Variants in PTPN4 observed in about 807,000 individuals in gnomAD.
PTPN4 encodes the protein protein tyrosine phosphatase non-receptor type 4.
A neutral mutation model predicts 135.5 loss-of-function variants in PTPN4; 49 were observed. That is an observed-to-expected ratio of 0.36 (90% CI 0.29 to 0.46). PTPN4 has a LOEUF of 0.46. PTPN4 is among the 20% of genes least tolerant of loss of function. The pLI is 1.00. For synonymous variants in PTPN4, 333 were observed against 369.9 expected (o/e 0.90, Z 1.14); for missense variants, 860 against 1,101.0 (o/e 0.78, Z 3.10).
chr2:119,799,425 A>G (rs987383611), intron 1 of PTPN4, among the ~76,000 whole-genome samples: 4 of 152,226 alleles, frequency 2.6e-5, no homozygotes, highest in African/African-American at 7.2e-5. Flanking sequence ...TTAAGAATCA[A>G]TAGAAATAAG....
In PTPN4 at chr2:119,956,893, C is replaced by A; in HGVS notation, c.2030C>A (p.Pro677His). 6.2e-7 allele frequency: 1 copy of A among 1,608,516 alleles called. No homozygotes were observed. The highest frequency in any genetic ancestry group is 1.7e-5 in the Admixed American group (1 of 58,892). Residue 677 changes from proline to histidine, a missense_variant, in exon 21 of 27, where the codon CCT (proline) becomes CAT (histidine). Physicochemically the swap from Pro to His is moderately conservative, Grantham distance 77 (BLOSUM62 -2). Transcript: ENST00000263708. ...PGMTMSCAKL[P>H]QNISKNRYRD... ...ATGACAATGTCCTGTGCCAAATTAC[C>A]TCAGAATATTTCCAAAAATAGATAC... is the stretch of plus-strand genomic sequence containing the variant.
intron 14 of PTPN4, among the ~76,000 whole-genome samples, chr2:119,933,084 T>A (rs1177200996): frequency 6.6e-6 from 1 of 152,182 alleles, no homozygotes; most frequent in Non-Finnish European, 1.5e-5. Context: ...GCACTTACCG[T>A]ATATGTACTT....
chr2:119,898,684 A>C (rs1480777325), intron 9 of PTPN4, among the ~76,000 whole-genome samples: 1 of 152,178 alleles, frequency 6.6e-6, no homozygotes, highest in Non-Finnish European at 1.5e-5. Flanking sequence ...GGTATTTTAA[A>C]TTAAGGTGGT....
intron 10 of PTPN4, among the ~76,000 whole-genome samples, chr2:119,907,445 T>C (rs546591109): frequency 6.6e-6 from 1 of 151,082 alleles, no homozygotes; most frequent in East Asian, 2.0e-4. Flanking sequence ...ATAAAAAATA[T>C]TTTTAAAAAT....
chr2:119,779,392 C>T (rs959108285), intron 1 of PTPN4, among the ~76,000 whole-genome samples: 9 of 152,096 alleles, frequency 5.9e-5, no homozygotes, highest in Admixed American at 3.3e-4. Context: ...CCGAGGCAGG[C>T]GTATCACGAG....
In PTPN4 at chr2:119,878,933, A is replaced by G. The variant is rs1406593050; in HGVS notation, c.368+1391A>G. 2.0e-5 allele frequency among the ~76,000 whole-genome samples: 3 copies of G among 151,878 alleles called. No individual in the cohort carries two copies. The East Asian group carries it at 5.8e-4, about 29-fold the overall frequency. On this transcript the variant is annotated intron_variant, in intron 5 of 26. Coordinates refer to ENST00000263708, the MANE Select transcript of PTPN4 (RefSeq NM_002830.4). Reference sequence around the variant, plus strand: ...ACGGTGAAACCCCATCTCTACTAAAAATACAAAAAATTAGCCGGGTGTGGT... The same window carrying G: ...ACGGTGAAACCCCATCTCTACTAAAGATACAAAAAATTAGCCGGGTGTGGT...
intron 1 of PTPN4, among the ~76,000 whole-genome samples, chr2:119,801,570 AT>A (rs1008363872): frequency 6.6e-5 from 10 of 152,038 alleles, no homozygotes; most frequent in African/African-American, 2.2e-4. Flanking sequence ...ATTTTCTTCA[AT>A]TTTTTTATCA....
At chr2:119,891,847 T>A (rs931341976) in intron 9 of PTPN4, among the ~76,000 whole-genome samples, 1 of 152,250 alleles carries the variant, frequency 6.6e-6, no homozygotes, top group Non-Finnish European at 1.5e-5. Flanking sequence ...TACCATATTT[T>A]CTTGCTATTT....
Position 119,915,296 on chromosome 2 carries a change from C to T in PTPN4, c.828+54C>T, listed in dbSNP as rs566473992. On this transcript the variant is annotated intron_variant, in intron 11 of 26. Transcript: ENST00000263708. Reference sequence around the variant, plus strand: ...TAAATGAAGCCTTTTAAGAAATACCCATTCATGACAGAACTTTTCTATTAT... The same window carrying T: ...TAAATGAAGCCTTTTAAGAAATACCTATTCATGACAGAACTTTTCTATTAT... 1.0e-5 allele frequency: 14 copies of T among 1,379,472 alleles called. No individual in the cohort carries two copies. The South Asian group carries it at 2.0e-4, about 19-fold the overall frequency. The allele number at this position is 1,379,472 out of a possible 1,614,324, so 85.5% of individuals were successfully genotyped here.
chr2:119,804,449 G>GCCCC (rs1277297625), intron 1 of PTPN4, among the ~76,000 whole-genome samples: 2 of 152,000 alleles, frequency 1.3e-5, no homozygotes, highest in Non-Finnish European at 2.9e-5. Flanking sequence ...CCAACGACAG[G>GCCCC]CCCCCGTGTG....
chr2:119,927,255 G>T (rs537836262), intron 13 of PTPN4, among the ~76,000 whole-genome samples: 8 of 150,962 alleles, frequency 5.3e-5, no homozygotes, highest in Non-Finnish European at 1.0e-4. Context: ...CTGGGATTAC[G>T]CATGCCACCA....
chr2:119,802,845 A>T (rs1321957516), intron 1 of PTPN4, among the ~76,000 whole-genome samples: 1 of 152,152 alleles, frequency 6.6e-6, no homozygotes, highest in African/African-American at 2.4e-5. Flanking sequence ...GTGTTTGAAT[A>T]TTCTGTTGGG....
intron 1 of PTPN4, among the ~76,000 whole-genome samples, chr2:119,809,361 G>C (rs1463660627): frequency 6.6e-6 from 1 of 151,164 alleles, no homozygotes; most frequent in African/African-American, 2.4e-5. Context: ...TAAAATGAAG[G>C]GTTGTTTTTT....
chr2:119,844,347 T>C (rs1394998685), intron 2 of PTPN4, among the ~76,000 whole-genome samples: 5 of 9,746 alleles, frequency 5.1e-4, no homozygotes, highest in East Asian at 1.8e-3. Context: ...GGCGGGGGGC[T>C]GACCCCCCCC....
chr2:119,802,199 C>T (rs186939167), intron 1 of PTPN4, among the ~76,000 whole-genome samples: 47 of 152,278 alleles, frequency 3.1e-4, no homozygotes, highest in African/African-American at 1.1e-3. Context: ...GCCCGGCGCT[C>T]CTCCTTTTTT....
intron 1 of PTPN4, among the ~76,000 whole-genome samples, chr2:119,794,058 G>C (rs1691207505): frequency 6.6e-6 from 1 of 151,678 alleles, no homozygotes; most frequent in Admixed American, 6.6e-5. Flanking sequence ...ATATTGTCCA[G>C]GCTGGTCTTG....
chr2:119,975,991 A>AT (rs1253786677), intron 26 of PTPN4, among the ~76,000 whole-genome samples: 20 of 108,964 alleles, frequency 1.8e-4, no homozygotes, highest in African/African-American at 7.1e-4. Flanking sequence ...ATTTTTATTT[A>AT]TTTATTTATT....
At chr2:119,910,574 G>A (rs1002047190) in intron 10 of PTPN4, among the ~76,000 whole-genome samples, 2 of 152,138 alleles carry the variant, frequency 1.3e-5, no homozygotes, top group African/African-American at 4.8e-5. Flanking sequence ...ACCTTGACTT[G>A]TAGTCTCCAT....
chr2:119,847,328 AT>A lies in PTPN4; in HGVS notation c.139-15192del, dbSNP rs150876390. ...CACACACACACACATATATATATAT[AT>A]TTTTTTTTTTTTTTTGAGACAGAGT... On this transcript the variant is annotated intron_variant, in intron 2 of 26. Transcript: ENST00000263708. Among the ~76,000 whole-genome samples, 646 of 102,666 alleles carry A rather than the reference AT, an allele frequency of 6.3e-3. 3 individuals are homozygous for A. Among genetic ancestry groups the A allele is most frequent in the Non-Finnish European group, 8.1e-3 (433 of 53,308 alleles). 67.4% of individuals were successfully genotyped at this position (102,666 alleles called of 152,430 possible).
Sources: gnomAD v4.1 joint callset for allele counts (sites outside exome capture counted in the v4.1 genomes callset) on GRCh38, gnomAD v4.1.1 for gene constraint, MANE v1.5 for transcripts, NCBI Gene and HGNC (gene_info 2026-07-23, HGNC 2026-07-21) for gene names.